The following SDCCAG8 variants were observed in gnomAD, a reference collection of about 807,000 sequenced individuals.
SDCCAG8 encodes SHH signaling and ciliogenesis regulator SDCCAG8, also known as serologically defined colon cancer antigen 8.
In SDCCAG8, 74 loss-of-function variants were observed where a neutral mutation model predicts 101.8. That is an observed-to-expected ratio of 0.73 (90% CI 0.60 to 0.88). The LOEUF is 0.88. Ranked by LOEUF, SDCCAG8 falls within the 40% of genes least tolerant of loss-of-function variation. The pLI is 0.00. For missense variants in SDCCAG8, 787 were observed against 822.6 expected, an observed-to-expected ratio of 0.96 and a Z score of 0.53; for synonymous variants, 281 against 292.9, an observed-to-expected ratio of 0.96 and a Z score of 0.41.
intron 12 of SDCCAG8, among the ~76,000 whole-genome samples, chr1:243,361,157 G>A (rs1365844331): frequency 6.6e-6 from 1 of 152,168 alleles, no homozygotes. Context: ...CTGCCCCCAC[G>A]ACCACTTCAG....
intron 4 of SDCCAG8, among the ~76,000 whole-genome samples, chr1:243,278,478 C>G (rs367902715): frequency 4.6e-5 from 7 of 152,326 alleles, no homozygotes; most frequent in African/African-American, 1.7e-4. Context: ...CTCGGTCTCC[C>G]AAAGTGCTGG....
intron 16 of SDCCAG8, among the ~76,000 whole-genome samples, chr1:243,436,250 G>A (rs1051344547): frequency 1.3e-5 from 2 of 150,618 alleles, no homozygotes; most frequent in Admixed American, 6.6e-5. Flanking sequence ...AAGGGGTCCC[G>A]AGCGGGTTGC....
At chr1:243,445,055 A>C (rs1382922493) in intron 16 of SDCCAG8, among the ~76,000 whole-genome samples, 1 of 152,168 alleles carries the variant, frequency 6.6e-6, no homozygotes, top group Non-Finnish European at 1.5e-5. Context: ...ATTCCTAAAA[A>C]AGTCTACTTA....
intron 16 of SDCCAG8, among the ~76,000 whole-genome samples, chr1:243,461,150 G>C (rs1284707586): frequency 6.6e-6 from 1 of 152,062 alleles, no homozygotes; most frequent in African/African-American, 2.4e-5. Context: ...CTTCCCTTCC[G>C]TAAAGCTGTA....
At chr1:243,366,622 GAGT>G (rs1182542805) in intron 12 of SDCCAG8, among the ~76,000 whole-genome samples, 1 of 151,888 alleles carries the variant, frequency 6.6e-6, no homozygotes, top group African/African-American at 2.4e-5. Context: ...AACTAAATAA[GAGT>G]ATCATAATAA....
chr1:243,442,687 C>A (rs1331452234), intron 16 of SDCCAG8, among the ~76,000 whole-genome samples: 1 of 150,640 alleles, frequency 6.6e-6, no homozygotes, highest in Non-Finnish European at 1.5e-5. Flanking sequence ...CAGACAGAAA[C>A]CAAATGACAG....
intron 7 of SDCCAG8, chr1:243,307,488 C>G (rs2072268217): frequency 1.0e-6 from 1 of 983,816 alleles, no homozygotes; most frequent in African/African-American, 1.7e-5. Flanking sequence ...CAGTAATAAA[C>G]TAGTCAAGGA....
chr1:243,339,824 T>G (rs2147778239), intron 10 of SDCCAG8, among the ~76,000 whole-genome samples: 1 of 152,362 alleles, frequency 6.6e-6, no homozygotes, highest in African/African-American at 2.4e-5. Context: ...CACACCCATG[T>G]CAGCATACAA....
chr1:243,273,361 T>A (rs2068250749), intron 3 of SDCCAG8, among the ~76,000 whole-genome samples: 1 of 152,018 alleles, frequency 6.6e-6, no homozygotes, highest in Non-Finnish European at 1.5e-5. Flanking sequence ...GATTTCCTCA[T>A]CCTTTAAAAA....
At chr1:243,268,229 T>C (rs574815205) in intron 1 of SDCCAG8, 18 of 427,916 alleles carry the variant, frequency 4.2e-5, no homozygotes, top group South Asian at 3.6e-4. Flanking sequence ...ATAGATTCAA[T>C]AAAGATAAGT....
intron 16 of SDCCAG8, among the ~76,000 whole-genome samples, chr1:243,440,128 CT>C (rs2082432409): frequency 1.3e-5 from 2 of 152,242 alleles, no homozygotes; most frequent in East Asian, 3.9e-4. Context: ...TACTTCACCC[CT>C]GGGTGAGTCA....
intron 17 of SDCCAG8, among the ~76,000 whole-genome samples, chr1:243,498,634 C>T (rs914657801): frequency 6.6e-6 from 1 of 152,232 alleles, no homozygotes; most frequent in East Asian, 1.9e-4. Flanking sequence ...TACTTTTTCT[C>T]ATTTTTCATA....
intron 4 of SDCCAG8, among the ~76,000 whole-genome samples, chr1:243,277,090 C>T (rs61442277): frequency 0.012 from 1,791 of 152,226 alleles, 43 homozygotes; most frequent in African/African-American, 0.042. Flanking sequence ...TTGGCAATTG[C>T]GAATAAAGCT....
intron 15 of SDCCAG8, among the ~76,000 whole-genome samples, chr1:243,418,636 T>A (rs1558440525): frequency 6.6e-6 from 1 of 152,226 alleles, no homozygotes; most frequent in Non-Finnish European, 1.5e-5. Context: ...GGAATCTTAA[T>A]GACTTTTTTC....
At chr1:243,437,531 C>CTTTTTTTTT (rs931257839) in intron 16 of SDCCAG8, among the ~76,000 whole-genome samples, 3 of 129,590 alleles carry the variant, frequency 2.3e-5, no homozygotes, top group African/African-American at 2.9e-5. Flanking sequence ...TGGAGGAATT[C>CTTTTTTTTT]TTTTTTTTTT....
At chr1:243,303,565 T>G (rs2071765134) in intron 6 of SDCCAG8, among the ~76,000 whole-genome samples, 1 of 152,132 alleles carries the variant, frequency 6.6e-6, no homozygotes, top group African/African-American at 2.4e-5. Context: ...GTGAAGGCCT[T>G]TATGAGGACC....
At chr1:243,347,146 TC>T (rs2075767935) in intron 12 of SDCCAG8, among the ~76,000 whole-genome samples, 1 of 152,196 alleles carries the variant, frequency 6.6e-6, no homozygotes, top group Non-Finnish European at 1.5e-5. Context: ...TCATGTTTTT[TC>T]TGCTCCACCT....
At chr1:243,439,227 C>G (rs1202223452) in intron 16 of SDCCAG8, among the ~76,000 whole-genome samples, 2 of 152,076 alleles carry the variant, frequency 1.3e-5, no homozygotes, top group Admixed American at 6.5e-5. Context: ...AGTCATGGCT[C>G]ACTGCAGCCT....
chr1:243,491,949 C>G (rs1051910316), intron 17 of SDCCAG8, among the ~76,000 whole-genome samples: 3 of 152,156 alleles, frequency 2.0e-5, no homozygotes, highest in Non-Finnish European at 4.4e-5. Context: ...CCACTTAATA[C>G]CCAGAAGAGA....
Sources: allele counts gnomAD v4.1 joint callset (sites outside exome capture counted in the v4.1 genomes callset), GRCh38; gene constraint gnomAD v4.1.1; transcripts MANE v1.5; gene names NCBI Gene and HGNC (gene_info 2026-07-23, HGNC 2026-07-21).